The following CD70 variants were observed in gnomAD, a reference collection of about 807,000 sequenced individuals.
CD70 encodes the protein CD70 antigen.
In CD70, 6 loss-of-function variants were observed where a neutral mutation model predicts 9.0. The ratio of observed to expected loss-of-function variants is 0.67; its 90% CI spans 0.37 to 1.32. The LOEUF is 1.32. CD70 is among the 40% of genes most tolerant of loss of function. The pLI is 0.02. For synonymous variants in CD70, 108 were observed against 112.3 expected, an observed-to-expected ratio of 0.96 and a Z score of 0.24; for missense variants, 235 against 258.7, an observed-to-expected ratio of 0.91 and a Z score of 0.63.
intron 2 of CD70, among the ~76,000 whole-genome samples, chr19:6,586,854 G>T (rs1916027529): frequency 1.4e-5 from 2 of 143,478 alleles, no homozygotes; most frequent in African/African-American, 5.1e-5. Context: ...GAGGGGTAAG[G>T]GGAAAGGGGT....
Position 6,588,888 on chromosome 19 carries a change from G to A in CD70, c.196+1215C>T, listed in dbSNP as rs182849641. On this transcript the variant is annotated intron_variant, in intron 2 of 2. Coordinates refer to ENST00000245903, the MANE Select transcript of CD70 (RefSeq NM_001252.5). ...AGGGATTTCTGTCTGTTTTGTGCGC[G>A]ACTGCAGTACCGGAACAGTGCCTGC... is the stretch of plus-strand genomic sequence containing the variant. Among the ~76,000 whole-genome samples the A allele has an allele frequency of 1.0e-3, 158 of 152,322 alleles. 1 individual carries two copies. Among genetic ancestry groups the A allele is most frequent in the African/African-American group, 3.7e-3 (153 of 41,568 alleles).
At chr19:6,584,912 C>T (rs1481717879), downstream of CD70, among the ~76,000 whole-genome samples, 1 of 152,090 alleles carries the variant, frequency 6.6e-6, no homozygotes, top group Non-Finnish European at 1.5e-5. Flanking sequence ...TTGTCTTGAA[C>T]TCCTGACCTC....
At chr19:6,582,179 C>T (rs921558332), downstream of CD70, among the ~76,000 whole-genome samples, 4 of 149,884 alleles carry the variant, frequency 2.7e-5, no homozygotes, top group African/African-American at 9.8e-5. Flanking sequence ...CAGGCGCACG[C>T]TGCCACGCCT....
At chr19:6,583,343 C>T (rs565313004), downstream of CD70, 3 of 701,216 alleles carry the variant, frequency 4.3e-6, no homozygotes, top group East Asian at 2.7e-5. Flanking sequence ...GAAATGGGAA[C>T]AATGATGATT....
Position 6,586,198 on chromosome 19 carries a change from G to A in CD70, c.404C>T (p.Pro135Leu). Residue 135 changes from proline to leucine, a missense_variant, in exon 3 of 3, where the codon CCC becomes CTC. Coordinates refer to ENST00000245903, the MANE Select transcript of CD70 (RefSeq NM_001252.5). ...PTTLAVGICS[P>L]ASRSISLLRL... ...CAGCAGGCTGATGCTACGGGAGGCGGGAGAGCAGATTCCCACGGCCAGGGT... is the reference window on the plus strand; with the variant it reads ...CAGCAGGCTGATGCTACGGGAGGCGAGAGAGCAGATTCCCACGGCCAGGGT... The A allele has an allele frequency of 6.2e-7, 1 of 1,614,170 alleles. No individual in the cohort carries two copies. Among genetic ancestry groups the A allele is most frequent in the Non-Finnish European group, 8.5e-7 (1 of 1,180,026 alleles).
chr19:6,583,215 ACT>A (rs1271472277), downstream of CD70: 2 of 569,948 alleles, frequency 3.5e-6, no homozygotes, highest in African/African-American at 1.9e-5. Context: ...CGGGCTTGTG[ACT>A]CAGGTTTTCT....
At chr19:6,589,912 G>A (rs1308702803) in intron 2 of CD70, among the ~76,000 whole-genome samples, 191 bp downstream of exon 2, 1 of 121,182 alleles carries the variant, frequency 8.3e-6, no homozygotes, top group Non-Finnish European at 1.7e-5. Context: ...CTTTCTCTGG[G>A]CCTCTCCCTC....
At chr19:6,583,312 G>T (rs887844162), downstream of CD70, 2 of 697,540 alleles carry the variant, frequency 2.9e-6, no homozygotes, top group African/African-American at 3.5e-5. Flanking sequence ...AACGGTTTAC[G>T]CCTCTGTTTT....
downstream of CD70, chr19:6,583,307 T>C (rs911483018): frequency 1.4e-6 from 1 of 697,760 alleles, no homozygotes; most frequent in South Asian, 1.5e-5. Context: ...GACTCAACGG[T>C]TTACGCCTCT....
At chr19:6,589,221 C>T (rs565816854) in intron 2 of CD70, among the ~76,000 whole-genome samples, 10 of 147,848 alleles carry the variant, frequency 6.8e-5, no homozygotes, top group Admixed American at 2.1e-4. Context: ...CTCTGTTATT[C>T]TCCTTCTCTT....
downstream of CD70, among the ~76,000 whole-genome samples, chr19:6,584,746 G>A (rs1381947882): frequency 6.6e-6 from 1 of 151,554 alleles, no homozygotes; most frequent in Non-Finnish European, 1.5e-5. Flanking sequence ...TGTGCTGGCG[G>A]TCCTAGCTAT....
intron 2 of CD70, among the ~76,000 whole-genome samples, chr19:6,589,752 CCTCT>C (rs1200440265): frequency 1.3e-5 from 2 of 151,166 alleles, no homozygotes; most frequent in Non-Finnish European, 3.0e-5. Flanking sequence ...CGTCTCTCTC[CCTCT>C]CTCTCGTTCT....
chr19:6,582,609 C>T (rs1462004304), downstream of CD70, among the ~76,000 whole-genome samples: 7 of 150,722 alleles, frequency 4.6e-5, no homozygotes, highest in South Asian at 4.2e-4. Context: ...TGAGAACATG[C>T]GGTGTTTGGT....
At position 6,590,696 on chromosome 19, in the gene CD70, C is replaced by T. The variant is rs1486959645; in HGVS notation, c.162+145G>A. 2.8e-6 allele frequency: 2 copies of T among 721,020 alleles called. No homozygotes were observed. The highest frequency in any genetic ancestry group is 1.9e-5 in the South Asian group (1 of 53,106). 44.7% of individuals were successfully genotyped at this position (721,020 alleles called of 1,614,324 possible). A position where few individuals can be genotyped will look rare whatever the true frequency, so the allele number is the denominator to read the frequency against. On this transcript the variant is annotated intron_variant, in intron 1 of 2. Coordinates refer to ENST00000245903, the MANE Select transcript of CD70 (RefSeq NM_001252.5). This position sits in a 1 kb window ranked among gnomAD's most constrained non-coding sequence, Gnocchi z 5.3. ...TCTCGTAGCCCCTACACCGGGCAGCCTGGTCCCCGCCTCGCCTCCCTGTTC... is the reference window on the plus strand; with the variant it reads ...TCTCGTAGCCCCTACACCGGGCAGCTTGGTCCCCGCCTCGCCTCCCTGTTC...
intron 2 of CD70, among the ~76,000 whole-genome samples, chr19:6,586,992 AAGAG>A (rs948389043): frequency 6.6e-6 from 1 of 151,366 alleles, no homozygotes; most frequent in South Asian, 2.1e-4. Flanking sequence ...GAGAGAGAGC[AAGAG>A]AGAGAGTGTA....
At chr19:6,587,855 C>A (rs773178647) in intron 2 of CD70, among the ~76,000 whole-genome samples, 1 of 151,924 alleles carries the variant, frequency 6.6e-6, no homozygotes, top group African/African-American at 2.4e-5. Flanking sequence ...AGGTGGCATG[C>A]GCCACCATGA....
intron 2 of CD70, 24 bp from the exon 3 acceptor site, chr19:6,586,429 T>C (rs373925606): frequency 1.3e-6 from 2 of 1,579,486 alleles, no homozygotes; most frequent in Non-Finnish European, 1.7e-6. Flanking sequence ...GTTAGAGGGA[T>C]GAGAGGATGG....
intron 2 of CD70, among the ~76,000 whole-genome samples, chr19:6,587,582 G>A (rs958915093): frequency 1.3e-5 from 2 of 152,094 alleles, no homozygotes; most frequent in Non-Finnish European, 2.9e-5. Flanking sequence ...ACGCCTGCTC[G>A]GGTCACACCC....
At position 6,590,667 on chromosome 19, in the gene CD70, C is replaced by T. The variant is rs189099533; in HGVS notation, c.162+174G>A. Among the ~76,000 whole-genome samples the T allele has an allele frequency of 6.6e-6, 1 of 152,326 alleles. No individual in the cohort carries two copies. The highest frequency in any genetic ancestry group is 2.4e-5 in the African/African-American group (1 of 41,580). ...CTCCCTGTACCTCCTGGCAGGGCTG[C>T]CTGTCTCGTAGCCCCTACACCGGGC... On this transcript the variant is annotated intron_variant, in intron 1 of 2. Transcript: ENST00000245903. The surrounding 1 kb of genome is among the most constrained non-coding windows in gnomAD (Gnocchi z 5.3).
Sources: allele counts gnomAD v4.1 joint callset (sites outside exome capture counted in the v4.1 genomes callset), GRCh38; gene constraint gnomAD v4.1.1; non-coding constraint Gnocchi (gnomAD v3.1); transcripts MANE v1.5; gene names NCBI Gene and HGNC (gene_info 2026-07-23, HGNC 2026-07-21).